The following SLC25A46 variants were observed in gnomAD, a reference collection of about 807,000 sequenced individuals.
SLC25A46 encodes solute carrier family 25 member 46, also known as mitochondrial outer membrane protein SLC25A46.
In SLC25A46, 39 loss-of-function variants were observed where a neutral mutation model predicts 44.6. That is an observed-to-expected ratio of 0.87 (90% CI 0.68 to 1.14). SLC25A46 has a LOEUF of 1.14. Among genes scored for constraint, SLC25A46 ranks in the 50% most tolerant of loss-of-function variants. SLC25A46 has a pLI of 0.00. For synonymous variants in SLC25A46, 202 were observed against 185.8 expected (o/e 1.09, Z -0.71); for missense variants, 547 against 522.7 (o/e 1.05, Z -0.45).
intron 5 of SLC25A46, 133 bp downstream of exon 5, chr5:110,748,396 A>C: frequency 3.4e-5 from 22 of 653,190 alleles, no homozygotes; most frequent in Non-Finnish European, 3.5e-5. Flanking sequence ...TGATCCTCTC[A>C]TCCAACAATT....
rs138090410 is a variant in SLC25A46, at chr5:110,750,679, T to C, written c.563+2416T>C. Among the ~76,000 whole-genome samples, 57 of 152,350 alleles carry C rather than the reference T, an allele frequency of 3.7e-4. No homozygotes were observed. The East Asian group carries it at 8.9e-3, about 24-fold the overall frequency. ...ATAATGACAAGAAAGAAAAAAACTC[T>C]GTACACATTCAGTACAGATGCAACT... On this transcript the variant is annotated intron_variant, in intron 5 of 7. Coordinates refer to ENST00000355943, the MANE Select transcript of SLC25A46 (RefSeq NM_138773.4).
chr5:110,743,038 G>T (rs1328429355), intron 2 of SLC25A46, among the ~76,000 whole-genome samples: 2 of 151,930 alleles, frequency 1.3e-5, no homozygotes, highest in East Asian at 3.8e-4. Context: ...TGCTGGAGTT[G>T]TTTTTTGCTT....
intron 4 of SLC25A46, among the ~76,000 whole-genome samples, chr5:110,747,456 G>A (rs1799849650): frequency 1.3e-5 from 2 of 152,056 alleles, no homozygotes. Context: ...CTGCTGCTGA[G>A]GACTGGGATG....
rs373869499 is a variant in SLC25A46 at position 110,745,408 on chromosome 5, C to T, written c.385-861C>T. 6.6e-5 allele frequency among the ~76,000 whole-genome samples: 10 copies of T among 152,182 alleles called. 1 individual carries two copies. Among genetic ancestry groups the T allele is most frequent in the East Asian group, 3.9e-4 (2 of 5,174 alleles). ...AGCTGGGACTACAGGAGCCCGCCACCGTGCCCAGCTAATTTTTTGTATTTT... is the reference window on the plus strand; with the variant it reads ...AGCTGGGACTACAGGAGCCCGCCACTGTGCCCAGCTAATTTTTTGTATTTT... On this transcript the variant is annotated intron_variant, in intron 3 of 7. Transcript: ENST00000355943.
chr5:110,763,468 A>T lies in SLC25A46; in HGVS notation c.*1686A>T, dbSNP rs535639677. 2.1e-3 allele frequency: 312 copies of T among 151,980 alleles called. 3 individuals are homozygous for T. The highest frequency in any genetic ancestry group is 6.8e-3 in the African/African-American group (282 of 41,518). 9.4% of individuals were successfully genotyped at this position (151,980 alleles called of 1,614,324 possible). A position where few individuals can be genotyped will look rare whatever the true frequency, so the allele number is the denominator to read the frequency against. ...GGGAAAATAAAATTAAACACCACTGATCACATTTTATATTTTATGGTGACT... is the reference window on the plus strand; with the variant it reads ...GGGAAAATAAAATTAAACACCACTGTTCACATTTTATATTTTATGGTGACT... On this transcript the variant is annotated 3_prime_UTR_variant, in exon 8 of 8. Transcript: ENST00000355943.
At chr5:110,749,314 G>A (rs1449574151) in intron 5 of SLC25A46, among the ~76,000 whole-genome samples, 1 of 151,722 alleles carries the variant, frequency 6.6e-6, no homozygotes, top group Admixed American at 6.6e-5. Context: ...TATTTGGTTG[G>A]AACCATGGAT....
chr5:110,741,279 C>T (rs115900541), intron 1 of SLC25A46, among the ~76,000 whole-genome samples: 1,840 of 152,280 alleles, frequency 0.012, 44 homozygotes, highest in African/African-American at 0.042. Context: ...TAGGAATGTT[C>T]CCAGCTGTGA....
chr5:110,751,794 G>A (rs1799974219), intron 5 of SLC25A46, among the ~76,000 whole-genome samples: 1 of 152,206 alleles, frequency 6.6e-6, no homozygotes, highest in Non-Finnish European at 1.5e-5. Flanking sequence ...GGAATTTGGT[G>A]ATGCTTTAGG....
At chr5:110,757,252 A>G (rs1324555476) in intron 7 of SLC25A46, among the ~76,000 whole-genome samples, 1 of 152,128 alleles carries the variant, frequency 6.6e-6, no homozygotes, top group Non-Finnish European at 1.5e-5. Flanking sequence ...AAATACTACA[A>G]AGCTGAAGCA....
At position 110,747,707 on chromosome 5, in the gene SLC25A46, G is replaced by A. The variant is rs1799855007; in HGVS notation, c.463-456G>A. On this transcript the variant is annotated intron_variant, in intron 4 of 7. Coordinates refer to ENST00000355943, the MANE Select transcript of SLC25A46 (RefSeq NM_138773.4). Reference sequence around the variant, plus strand: ...GGGAGTAGAATTTGTAGAACCTGGGGACTGATTAGATAGGAAGAGTGAGAT... The same window carrying A: ...GGGAGTAGAATTTGTAGAACCTGGGAACTGATTAGATAGGAAGAGTGAGAT... Among the ~76,000 whole-genome samples, 3 of 152,058 alleles carry A rather than the reference G, an allele frequency of 2.0e-5. No homozygotes were observed. The East Asian group carries it at 5.8e-4, about 29-fold the overall frequency.
At position 110,739,345 on chromosome 5, in the gene SLC25A46, C is replaced by G. The variant is rs1580850665; in HGVS notation, c.226C>G (p.Pro76Ala). ...VPTTSTPYEGPTEEPFSSGGG... is the reference protein window; with the variant it reads ...VPTTSTPYEGATEEPFSSGGG... ...CACCACCTCCACCCCGTACGAAGGC[C>G]CCACGGAGGAACCCTTTTCCAGTGG... The change falls in exon 1 of 8, where the codon CCC becomes GCC. Residue 76 changes from proline to alanine, a missense_variant. By Grantham distance (27) the Pro-to-Ala change is conservative (BLOSUM62 -1). Transcript: ENST00000355943. The G allele has an allele frequency of 6.4e-6, 10 of 1,563,548 alleles. No homozygotes were observed. In the East Asian group the frequency reaches 2.4e-4, roughly 37 times the overall value.
intron 5 of SLC25A46, among the ~76,000 whole-genome samples, chr5:110,751,001 A>G (rs922450328): frequency 4.6e-5 from 7 of 152,220 alleles, no homozygotes; most frequent in African/African-American, 1.7e-4. Context: ...CAGACATGTC[A>G]ACTGAGTGGG....
intron 5 of SLC25A46, among the ~76,000 whole-genome samples, chr5:110,751,458 TG>T (rs1220839251): frequency 6.6e-6 from 1 of 151,914 alleles, no homozygotes; most frequent in African/African-American, 2.4e-5. Context: ...AGAATTCAGG[TG>T]TAACTGAGAG....
At position 110,764,209 on chromosome 5, in the gene SLC25A46, T is replaced by C. The variant is rs981046929; in HGVS notation, c.*2427T>C. 4.6e-5 allele frequency: 7 copies of C among 151,956 alleles called. No homozygotes were observed. In the East Asian group the frequency reaches 1.2e-3, roughly 25 times the overall value. The allele number at this position is 151,956 out of a possible 1,614,324, so 9.4% of individuals were successfully genotyped here. The stretch of plus-strand genomic sequence containing the variant: ...AGCTTGTGATACACTTGCCTTACAT[T>C]GTAGGGTTTCTTAATTTGAGTCAAG... On this transcript the variant is annotated 3_prime_UTR_variant, in exon 8 of 8. Coordinates refer to ENST00000355943, the MANE Select transcript of SLC25A46 (RefSeq NM_138773.4).
At chr5:110,748,077 G>T in intron 4 of SLC25A46, 86 bp from the exon 5 acceptor site, 1 of 836,966 alleles carries the variant, frequency 1.2e-6, no homozygotes, top group Non-Finnish European at 2.0e-6. Flanking sequence ...ATTGGAAAAT[G>T]TCTACACAAT....
At chr5:110,738,588 G>A (rs1350634760), upstream of SLC25A46, 3 of 187,034 alleles carry the variant, frequency 1.6e-5, no homozygotes, top group South Asian at 8.1e-5. Context: ...ACAAAGCTAG[G>A]TGGAACGTTA....
At chr5:110,746,757 T>TTG (rs1452028694) in intron 4 of SLC25A46, among the ~76,000 whole-genome samples, 1 of 152,116 alleles carries the variant, frequency 6.6e-6, no homozygotes, top group Admixed American at 6.5e-5. Flanking sequence ...AAGGCCCGAA[T>TTG]TGTGTGCTTC....
At chr5:110,760,934 T>A (rs899467352) in intron 7 of SLC25A46, among the ~76,000 whole-genome samples, 2 of 152,090 alleles carry the variant, frequency 1.3e-5, no homozygotes, top group South Asian at 4.1e-4. Context: ...CCATGTGAGT[T>A]CTAAGAAGTT....
intron 4 of SLC25A46, among the ~76,000 whole-genome samples, chr5:110,746,884 A>G (rs10069246): frequency 1.3e-5 from 2 of 152,098 alleles, no homozygotes; most frequent in Non-Finnish European, 2.9e-5. Context: ...AATGGAGTAC[A>G]ATGGGAGCTT....
Sources: allele counts gnomAD v4.1 joint callset (sites outside exome capture counted in the v4.1 genomes callset), GRCh38; gene constraint gnomAD v4.1.1; transcripts MANE v1.5; gene names NCBI Gene and HGNC (gene_info 2026-07-23, HGNC 2026-07-21).